PRKCE: variants seen among roughly 807,000 people sequenced by gnomAD.
The protein encoded by PRKCE is protein kinase C epsilon type.
A neutral mutation model predicts 85.4 loss-of-function variants in PRKCE; 16 were observed. The observed-to-expected ratio is 0.19, with a 90% CI of 0.13 to 0.28. PRKCE has a LOEUF of 0.28. Among genes scored for constraint, PRKCE ranks in the 10% least tolerant of loss-of-function variants. The probability of loss-of-function intolerance (pLI) is 1.00; values close to 1 mark genes in which losing one functional copy is unlikely to be tolerated. For synonymous variants in PRKCE, 388 were observed against 371.5 expected, an observed-to-expected ratio of 1.04 and a Z score of -0.51; for missense variants, 573 against 975.2, an observed-to-expected ratio of 0.59 and a Z score of 5.49.
At position 45,652,349 on chromosome 2, in the gene PRKCE, C is replaced by G. The variant is rs1325060228; in HGVS notation, c.249C>G (p.Val83=). 6.2e-7 allele frequency: 1 copy of G among 1,613,768 alleles called. No homozygotes were observed. The highest frequency in any genetic ancestry group is 8.5e-7 in the Non-Finnish European group (1 of 1,180,028). ...ACGGACGCAAGATCGAGCTGGCTGT[C>G]TTTCACGATGCCCCCATAGGCTACG... The part of the protein sequence containing the change: ...VCNGRKIELA[V]FHDAPIGYDD... Residue 83 remains valine, a synonymous_variant, in exon 1 of 15, where the codon GTC becomes GTG. Transcript: ENST00000306156. This position sits in a 1 kb window ranked among gnomAD's most constrained non-coding sequence, Gnocchi z 7.7.
At chr2:46,126,328 T>C (rs1574538652) in intron 11 of PRKCE, among the ~76,000 whole-genome samples, 1 of 152,298 alleles carries the variant, frequency 6.6e-6, no homozygotes, top group South Asian at 2.1e-4. Context: ...CTTTGTCCCC[T>C]CTTTGTAGAC....
intron 1 of PRKCE, among the ~76,000 whole-genome samples, chr2:45,778,043 G>A (rs1015990821): frequency 1.5e-4 from 23 of 150,322 alleles, no homozygotes; most frequent in African/African-American, 5.7e-4. Flanking sequence ...GTGGGCTTTG[G>A]GAGGAGCAAG....
At chr2:45,892,639 T>G (rs1359951281) in intron 2 of PRKCE, among the ~76,000 whole-genome samples, 1 of 152,138 alleles carries the variant, frequency 6.6e-6, no homozygotes, top group Non-Finnish European at 1.5e-5. Context: ...AGTGCCCACC[T>G]GGTTTTAAAG....
At position 45,692,555 on chromosome 2, in the gene PRKCE, A is replaced by G. The variant is rs1055662295; in HGVS notation, c.348+40107A>G. On this transcript the variant is annotated intron_variant, in intron 1 of 14. Transcript: ENST00000306156. ...GTCACATTCATCAGTACCGAGGGCT[A>G]GGACTTCTACATACATTTTTAGGGG... Among the ~76,000 whole-genome samples the G allele has an allele frequency of 2.0e-5, 3 of 152,214 alleles. No individual in the cohort carries two copies. The East Asian group carries it at 5.8e-4, about 29-fold the overall frequency.
chr2:45,952,773 T>C (rs1042634119), intron 2 of PRKCE, among the ~76,000 whole-genome samples: 5 of 152,200 alleles, frequency 3.3e-5, no homozygotes, highest in Admixed American at 3.3e-4. Flanking sequence ...GAACACAACT[T>C]TTTATAGAAA....
At chr2:46,061,727 T>G (rs1425162849) in intron 10 of PRKCE, among the ~76,000 whole-genome samples, 2 of 152,168 alleles carry the variant, frequency 1.3e-5, no homozygotes, top group Admixed American at 6.5e-5. Flanking sequence ...CTGGGAGAAA[T>G]CAGGACTGGA....
At chr2:46,152,304 C>T (rs1202818527) in intron 13 of PRKCE, among the ~76,000 whole-genome samples, 1 of 151,896 alleles carries the variant, frequency 6.6e-6, no homozygotes, top group Non-Finnish European at 1.5e-5. Flanking sequence ...GCCTCAGCCT[C>T]CTGAGTAGCT....
At chr2:45,676,786 C>G (rs1676474872) in intron 1 of PRKCE, 1 of 152,202 alleles carries the variant, frequency 6.6e-6, no homozygotes, top group African/African-American at 2.4e-5. Context: ...TGTCTCCATT[C>G]TTTCCTCTTT....
chr2:46,114,665 C>T (rs1253275766), intron 11 of PRKCE, among the ~76,000 whole-genome samples: 1 of 151,202 alleles, frequency 6.6e-6, no homozygotes, highest in Non-Finnish European at 1.5e-5. Flanking sequence ...GTAATCCGCC[C>T]GCCTCAGCCT....
At chr2:46,010,053 C>G (rs1328563538) in intron 9 of PRKCE, among the ~76,000 whole-genome samples, 2 of 152,204 alleles carry the variant, frequency 1.3e-5, no homozygotes, top group African/African-American at 4.8e-5. Context: ...AATGTAGTAA[C>G]TGTAGAACGG....
At chr2:45,806,981 G>C (rs976283329) in intron 1 of PRKCE, among the ~76,000 whole-genome samples, 2 of 152,188 alleles carry the variant, frequency 1.3e-5, no homozygotes, top group Admixed American at 6.5e-5. Flanking sequence ...TCAGGAGGCT[G>C]ATGAGACTAT....
intron 11 of PRKCE, among the ~76,000 whole-genome samples, chr2:46,111,827 C>T (rs947426201): frequency 2.0e-5 from 3 of 152,058 alleles, no homozygotes; most frequent in Non-Finnish European, 4.4e-5. Flanking sequence ...GGGTATATAC[C>T]TAGGAGTGGA....
intron 1 of PRKCE, among the ~76,000 whole-genome samples, chr2:45,703,430 C>T (rs1362771791): frequency 6.6e-6 from 1 of 151,758 alleles, no homozygotes; most frequent in Non-Finnish European, 1.5e-5. Flanking sequence ...CCCAGCTACT[C>T]GGGAGGCCAA....
At chr2:45,963,903 A>G (rs569375019) in intron 2 of PRKCE, among the ~76,000 whole-genome samples, 86 of 152,346 alleles carry the variant, frequency 5.6e-4, no homozygotes, top group African/African-American at 2.0e-3. Flanking sequence ...GTAGTCTGGG[A>G]AATTGTGCAG....
chr2:45,928,862 G>T (rs1698827406), intron 2 of PRKCE, among the ~76,000 whole-genome samples: 1 of 152,124 alleles, frequency 6.6e-6, no homozygotes, highest in African/African-American at 2.4e-5. Flanking sequence ...CTATTCTGCA[G>T]CTGATGGAGC....
intron 2 of PRKCE, among the ~76,000 whole-genome samples, chr2:45,928,924 G>A (rs1470902442): frequency 1.3e-5 from 2 of 152,216 alleles, no homozygotes; most frequent in African/African-American, 4.8e-5. Context: ...CCCTCTGTCA[G>A]CGCTGAGGTC....
At chr2:46,064,563 A>G (rs951608272) in intron 10 of PRKCE, among the ~76,000 whole-genome samples, 5 of 152,230 alleles carry the variant, frequency 3.3e-5, no homozygotes, top group Non-Finnish European at 4.4e-5. Flanking sequence ...AGCTTGCACC[A>G]GAAGCAGAGT....
At chr2:46,153,294 T>G (rs1419409520) in intron 13 of PRKCE, among the ~76,000 whole-genome samples, 2 of 152,256 alleles carry the variant, frequency 1.3e-5, no homozygotes, top group Non-Finnish European at 2.9e-5. Flanking sequence ...AAATATTTAT[T>G]GAGCATCTAG....
chr2:45,770,324 A>G (rs1685215718), intron 1 of PRKCE, among the ~76,000 whole-genome samples: 2 of 152,104 alleles, frequency 1.3e-5, no homozygotes, highest in South Asian at 4.1e-4. Context: ...TGGAAACAAC[A>G]CTGACTGTGG....
Sources: allele counts gnomAD v4.1 joint callset (sites outside exome capture counted in the v4.1 genomes callset), GRCh38; gene constraint gnomAD v4.1.1; non-coding constraint Gnocchi (gnomAD v3.1); transcripts MANE v1.5; gene names NCBI Gene and HGNC (gene_info 2026-07-23, HGNC 2026-07-21).